The following TSNARE1 variants were observed in gnomAD, a reference collection of about 807,000 sequenced individuals.
The protein encoded by TSNARE1 is t-SNARE domain-containing protein 1.
Under a neutral mutation model 62.0 loss-of-function variants are expected in TSNARE1, and 49 were observed. The observed-to-expected ratio is 0.79, with a 90% confidence interval of 0.63 to 1.00. The LOEUF (loss-of-function observed/expected upper bound fraction) is 1.00. TSNARE1 is among the 50% of genes least tolerant of loss of function. TSNARE1 has a pLI of 0.00. For missense variants in TSNARE1, 755 were observed against 700.1 expected (o/e 1.08, Z -0.88); for synonymous variants, 328 against 294.4 (o/e 1.11, Z -1.17).
At chr8:142,264,966 C>G (rs1479715240) in intron 12 of TSNARE1, among the ~76,000 whole-genome samples, 1 of 152,134 alleles carries the variant, frequency 6.6e-6, no homozygotes, top group South Asian at 2.1e-4. Context: ...ATCTGCTTCT[C>G]CTTTTCTTTT....
At chr8:142,320,458 A>C (rs1586786030) in intron 6 of TSNARE1, among the ~76,000 whole-genome samples, 1 of 120,742 alleles carries the variant, frequency 8.3e-6, no homozygotes, top group Admixed American at 8.5e-5. Context: ...GCCCTCCTGC[A>C]CCTCCGACCA....
At chr8:142,360,140 G>A (rs535254223) in intron 1 of TSNARE1, among the ~76,000 whole-genome samples, 15 of 152,160 alleles carry the variant, frequency 9.9e-5, no homozygotes, top group Non-Finnish European at 1.9e-4. Context: ...ACGCGGTGGC[G>A]CCCCCAAGAA....
At chr8:142,222,555 C>CTCAT (rs140382751) in intron 13 of TSNARE1, among the ~76,000 whole-genome samples, 2 of 60,758 alleles carry the variant, frequency 3.3e-5, no homozygotes. Flanking sequence ...CACTCACTCA[C>CTCAT]TCACTCATTC....
rs933581506 is a variant in TSNARE1, at chr8:142,303,602, C to T, written c.1132-2958G>A. The stretch of plus-strand genomic sequence containing the variant: ...AGGCACTGGGACTGGAGCAGATGGA[C>T]AGGTGACAACCAAATACAGACAGAT... On this transcript the variant is annotated intron_variant, in intron 9 of 13. Coordinates refer to ENST00000524325, the MANE Select transcript of TSNARE1 (RefSeq NM_145003.5). Among the ~76,000 whole-genome samples the T allele has an allele frequency of 2.0e-5, 3 of 152,236 alleles. No homozygotes were observed. The East Asian group carries it at 5.8e-4, about 29-fold the overall frequency.
chr8:142,391,904 T>C (rs563110902), intron 1 of TSNARE1, among the ~76,000 whole-genome samples: 1 of 152,276 alleles, frequency 6.6e-6, no homozygotes, highest in African/African-American at 2.4e-5. Context: ...GCCTAGCGGG[T>C]GTAAGCACCA....
At chr8:142,245,280 G>C (rs1436275506) in intron 12 of TSNARE1, among the ~76,000 whole-genome samples, 1 of 152,204 alleles carries the variant, frequency 6.6e-6, no homozygotes, top group Admixed American at 6.5e-5. Context: ...AGCTGACAGA[G>C]GGGAAGCAAC....
intron 4 of TSNARE1, among the ~76,000 whole-genome samples, chr8:142,339,945 G>A (rs1048154774): frequency 1.3e-5 from 2 of 152,252 alleles, no homozygotes; most frequent in Admixed American, 6.5e-5. Context: ...ACTCCGCAGA[G>A]GACTGAGAGG....
At chr8:142,392,648 C>A (rs1837611676) in intron 1 of TSNARE1, among the ~76,000 whole-genome samples, 1 of 152,162 alleles carries the variant, frequency 6.6e-6, no homozygotes, top group African/African-American at 2.4e-5. Flanking sequence ...GAGAAACTCA[C>A]AAGAGGCCAG....
chr8:142,348,841 C>T (rs1440581034), intron 2 of TSNARE1, among the ~76,000 whole-genome samples: 2 of 152,094 alleles, frequency 1.3e-5, no homozygotes, highest in Admixed American at 6.5e-5. Flanking sequence ...TATGAGTTGA[C>T]GACTCACTAG....
intron 10 of TSNARE1, among the ~76,000 whole-genome samples, chr8:142,299,726 G>A (rs1038222317): frequency 6.6e-6 from 1 of 151,856 alleles, no homozygotes; most frequent in Admixed American, 6.6e-5. Flanking sequence ...GCACTCACAT[G>A]CACGCACACA....
In TSNARE1 at chr8:142,229,478, G is replaced by T. The variant is rs376616669; in HGVS notation, c.*6C>A. On this transcript the variant is annotated 3_prime_UTR_variant, in exon 13 of 14. Transcript: ENST00000524325. Reference sequence around the variant, plus strand: ...CGGGTAGGTGGGGTACTCACCACGGGTAGCATCACTTTCGGACAGAGGTGG... The same window carrying T: ...CGGGTAGGTGGGGTACTCACCACGGTTAGCATCACTTTCGGACAGAGGTGG... 1.2e-6 allele frequency: 2 copies of T among 1,613,716 alleles called. No homozygotes were observed. Among genetic ancestry groups the T allele is most frequent in the African/African-American group, 1.3e-5 (1 of 74,898 alleles).
chr8:142,369,582 A>T (rs1203517915), intron 1 of TSNARE1, among the ~76,000 whole-genome samples: 37 of 152,258 alleles, frequency 2.4e-4, no homozygotes. Context: ...GAAAGGTCCC[A>T]GTAGAAAAGA....
intron 13 of TSNARE1, among the ~76,000 whole-genome samples, chr8:142,222,815 C>CTCACTCACTCAT (rs1816455957): frequency 1.9e-4 from 5 of 26,524 alleles, no homozygotes; most frequent in African/African-American, 7.2e-4. Flanking sequence ...CACTCATTCA[C>CTCACTCACTCAT]TCACTCACTC....
At chr8:142,279,891 T>G in intron 11 of TSNARE1, 1 of 1,040,090 alleles carries the variant, frequency 9.6e-7, no homozygotes, top group South Asian at 2.8e-5. Flanking sequence ...GGCCCTCGCC[T>G]TGGGGACCGT....
intron 12 of TSNARE1, chr8:142,274,124 G>A (rs1160340230): frequency 1.0e-6 from 1 of 985,430 alleles, no homozygotes; most frequent in Non-Finnish European, 1.2e-6. Context: ...GACTCCTTGA[G>A]GAACAGGCTC....
intron 4 of TSNARE1, among the ~76,000 whole-genome samples, chr8:142,335,481 G>C (rs1831631313): frequency 6.6e-6 from 1 of 152,106 alleles, no homozygotes. Flanking sequence ...GCTGCGGAAA[G>C]TTAAAGATCT....
intron 9 of TSNARE1, among the ~76,000 whole-genome samples, chr8:142,313,234 G>T (rs1248063152): frequency 6.6e-6 from 1 of 152,134 alleles, no homozygotes. Context: ...GTGTTTATCT[G>T]CATGTGTCTA....
intron 2 of TSNARE1, among the ~76,000 whole-genome samples, chr8:142,349,135 G>A (rs1026137419): frequency 3.3e-5 from 5 of 152,212 alleles, no homozygotes; most frequent in East Asian, 1.9e-4. Flanking sequence ...CAGCCCCAGC[G>A]CGACGATTTT....
intron 13 of TSNARE1, among the ~76,000 whole-genome samples, chr8:142,215,340 A>G (rs1385354039): frequency 4.6e-5 from 7 of 152,144 alleles, no homozygotes; most frequent in Admixed American, 4.6e-4. Flanking sequence ...CCTCAACACA[A>G]CGCAGTGTCC....
Sources: gnomAD v4.1 joint callset for allele counts (sites outside exome capture counted in the v4.1 genomes callset) on GRCh38, gnomAD v4.1.1 for gene constraint, MANE v1.5 for transcripts, NCBI Gene and HGNC (gene_info 2026-07-23, HGNC 2026-07-21) for gene names.